Variants in PAK3 observed in about 807,000 individuals in gnomAD.
PAK3 encodes serine/threonine-protein kinase PAK 3.
In PAK3, 4 loss-of-function variants were observed where a neutral mutation model predicts 41.0. That is an observed-to-expected ratio of 0.10 (90% CI 0.05 to 0.22). The LOEUF is 0.22. PAK3 is among the 10% of genes least tolerant of loss of function. The pLI is 1.00. For synonymous variants in PAK3, 146 were observed against 139.6 expected (o/e 1.05, Z -0.32); for missense variants, 205 against 409.9 (o/e 0.50, Z 4.32).
rs368706435 is a variant in PAK3 at position 111,138,989 on chromosome X, AAC to A, written c.176-3087_176-3086del. Among the ~76,000 whole-genome samples the A allele has an allele frequency of 2.8e-3, 298 of 106,890 alleles. 1 individual carries two copies. The highest frequency in any genetic ancestry group is 8.2e-3 in the African/African-American group (242 of 29,487). 92.8% of individuals were successfully genotyped at this position (106,890 alleles called of 115,157 possible). The stretch of plus-strand genomic sequence containing the variant: ...CCAAACAAACAAACAAACAAACAAC[AAC>A]ACACACACACACACACACAAATGCA... On this transcript the variant is annotated intron_variant, in intron 5 of 17. Transcript: ENST00000372007.
At chrX:110,945,131 C>T (rs983508746) in intron 1 of PAK3, among the ~76,000 whole-genome samples, 16 of 112,141 alleles carry the variant, frequency 1.4e-4, no homozygotes, top group Non-Finnish European at 1.9e-4. Flanking sequence ...AGGACACTCC[C>T]TGTATGTGAC....
At chrX:110,979,351 T>G (rs1425563556) in intron 1 of PAK3, among the ~76,000 whole-genome samples, 1 of 96,567 alleles carries the variant, frequency 1.0e-5, no homozygotes, top group African/African-American at 3.9e-5. Flanking sequence ...CAGGCTGGAG[T>G]GCAGTGGCGC....
intron 6 of PAK3, chrX:111,144,741 A>ATACC (rs1395445578): frequency 2.5e-6 from 1 of 395,418 alleles, no homozygotes; most frequent in Non-Finnish European, 4.5e-6. Context: ...ATGACCTTGT[A>ATACC]TACCTGGTCA....
chrX:111,175,640 C>G (rs1376372466), intron 11 of PAK3, among the ~76,000 whole-genome samples: 4 of 110,786 alleles, frequency 3.6e-5, no homozygotes, highest in African/African-American at 1.3e-4. Flanking sequence ...CAACTAAAGG[C>G]CAACTGAGCC....
At chrX:111,171,326 A>G (rs2094337578) in intron 10 of PAK3, among the ~76,000 whole-genome samples, 1 of 111,542 alleles carries the variant, frequency 9.0e-6, no homozygotes, top group Non-Finnish European at 1.9e-5. Context: ...CTCAAAGATA[A>G]TAATACTGAC....
chrX:110,948,130 A>G (rs779206561), intron 1 of PAK3, among the ~76,000 whole-genome samples: 1 of 111,514 alleles, frequency 9.0e-6, no homozygotes, highest in South Asian at 3.8e-4. Flanking sequence ...TCCTCATTCA[A>G]CCTTGGCTGA....
chrX:111,043,445 G>T (rs773359571), intron 1 of PAK3, among the ~76,000 whole-genome samples: 7 of 111,758 alleles, frequency 6.3e-5, no homozygotes, highest in Non-Finnish European at 1.1e-4. Context: ...TCTGTCTCTG[G>T]TATGTCCAAC....
chrX:111,221,833 A>G lies in PAK3; in HGVS notation c.*1386A>G, dbSNP rs2094929570. On this transcript the variant is annotated 3_prime_UTR_variant, in exon 18 of 18. Transcript: ENST00000372007. Reference sequence around the variant, plus strand: ...AAAGCATATTCATAAATGTCTTGAAATTCTCTCCAGTGGAAAATAATTTTA... The same window carrying G: ...AAAGCATATTCATAAATGTCTTGAAGTTCTCTCCAGTGGAAAATAATTTTA... 8.9e-6 allele frequency: 1 copy of G among 111,932 alleles called. No homozygotes were observed. Among genetic ancestry groups the G allele is most frequent in the Non-Finnish European group, 1.9e-5 (1 of 53,116 alleles). 9.2% of individuals were successfully genotyped at this position (111,932 alleles called of 1,213,427 possible).
At chrX:111,164,701 T>G (rs1292621284) in intron 10 of PAK3, among the ~76,000 whole-genome samples, 1 of 111,505 alleles carries the variant, frequency 9.0e-6, no homozygotes, top group South Asian at 3.7e-4. Context: ...ATGAAAAAAA[T>G]AAGTAAACAA....
At chrX:110,965,549 A>G (rs1270412903) in intron 1 of PAK3, among the ~76,000 whole-genome samples, 1 of 112,115 alleles carries the variant, frequency 8.9e-6, no homozygotes, top group Non-Finnish European at 1.9e-5. Context: ...GAACTATAGC[A>G]CTGTGGTTAA....
At chrX:110,991,657 A>C in intron 1 of PAK3, among the ~76,000 whole-genome samples, 1 of 112,581 alleles carries the variant, frequency 8.9e-6, no homozygotes, top group African/African-American at 3.2e-5. Context: ...CATAACTAAA[A>C]CATGAGAAAA....
chrX:111,013,217 C>G (rs1399788811), intron 1 of PAK3, among the ~76,000 whole-genome samples: 2 of 112,469 alleles, frequency 1.8e-5, no homozygotes, highest in Non-Finnish European at 3.8e-5. Flanking sequence ...CAATTCTACC[C>G]TCACAGCATC....
chrX:111,126,225 T>A (rs2093646716), intron 5 of PAK3, among the ~76,000 whole-genome samples: 1 of 112,129 alleles, frequency 8.9e-6, no homozygotes, highest in African/African-American at 3.2e-5. Flanking sequence ...CTATCATTTT[T>A]ACTGATTTAA....
At chrX:110,998,257 T>A (rs1402181931) in intron 1 of PAK3, among the ~76,000 whole-genome samples, 4 of 111,367 alleles carry the variant, frequency 3.6e-5, no homozygotes, top group Non-Finnish European at 7.5e-5. Flanking sequence ...AAAGGTTGGG[T>A]TGAAGTGCAA....
At chrX:111,178,003 A>G (rs10521533) in intron 11 of PAK3, among the ~76,000 whole-genome samples, 16,570 of 110,900 alleles carry the variant, frequency 0.15, 2,568 homozygotes, top group African/African-American at 0.47. Flanking sequence ...TTTAACATCA[A>G]TGAACCTTTA....
intron 16 of PAK3, among the ~76,000 whole-genome samples, chrX:111,213,575 A>T (rs1026868974): frequency 8.9e-6 from 1 of 111,887 alleles, no homozygotes; most frequent in African/African-American, 3.2e-5. Flanking sequence ...AAAATGAGAC[A>T]TTATAGCATG....
chrX:111,219,848 A>G (rs1426975868), intron 17 of PAK3, among the ~76,000 whole-genome samples: 1 of 111,581 alleles, frequency 9.0e-6, no homozygotes, highest in East Asian at 2.8e-4. Context: ...GAAGAGACCC[A>G]ATATGGTAGA....
chrX:111,024,329 T>C (rs2092238299), intron 1 of PAK3, among the ~76,000 whole-genome samples: 1 of 111,738 alleles, frequency 8.9e-6, no homozygotes, highest in Non-Finnish European at 1.9e-5. Flanking sequence ...GGTAGAGTGA[T>C]GCCTCCAGCT....
chrX:111,170,996 T>C (rs1049251650), intron 10 of PAK3, among the ~76,000 whole-genome samples: 5 of 110,725 alleles, frequency 4.5e-5, no homozygotes, highest in African/African-American at 9.8e-5. Context: ...CACTCTGATA[T>C]AGGGTTATTG....
Sources: gnomAD v4.1 joint callset for allele counts (sites outside exome capture counted in the v4.1 genomes callset) on GRCh38, gnomAD v4.1.1 for gene constraint, MANE v1.5 for transcripts, NCBI Gene and HGNC (gene_info 2026-07-23, HGNC 2026-07-21) for gene names.